TENM1: variants seen among roughly 807,000 people sequenced by gnomAD.
TENM1 encodes teneurin-1.
Under a neutral mutation model 174.8 loss-of-function variants are expected in TENM1, and 35 were observed. The ratio of observed to expected loss-of-function variants is 0.20; its 90% CI spans 0.15 to 0.27. The LOEUF (loss-of-function observed/expected upper bound fraction) is 0.27, where lower values mean the gene tolerates loss of function less well. Among genes scored for constraint, TENM1 ranks in the 10% least tolerant of loss-of-function variants. The probability of loss-of-function intolerance (pLI) is 1.00; values close to 1 mark genes in which losing one functional copy is unlikely to be tolerated. For missense variants in TENM1, 1,633 were observed against 2,130.1 expected (o/e 0.77, Z 4.59); for synonymous variants, 781 against 798.7 (o/e 0.98, Z 0.37).
intron 3 of TENM1, among the ~76,000 whole-genome samples, chrX:124,762,621 C>T (rs764552034): frequency 9.0e-6 from 1 of 111,458 alleles, no homozygotes; most frequent in African/African-American, 3.3e-5. Context: ...TCATTTTCAG[C>T]TCTCTTATAC....
chrX:124,469,328 A>G (rs941557650), intron 22 of TENM1, among the ~76,000 whole-genome samples: 1 of 112,259 alleles, frequency 8.9e-6, no homozygotes, highest in East Asian at 2.8e-4. Flanking sequence ...TTCAGTACTT[A>G]TTCTGTGCCA....
At chrX:124,878,605 G>A (rs1385647206) in intron 3 of TENM1, among the ~76,000 whole-genome samples, 1 of 110,409 alleles carries the variant, frequency 9.1e-6, no homozygotes, top group African/African-American at 3.3e-5. Flanking sequence ...ACTTTGCCAT[G>A]ACTAAAAGCT....
chrX:124,489,538 T>C lies in TENM1; in HGVS notation c.3696-2309A>G, dbSNP rs2047021146. Reference sequence around the variant, plus strand: ...TTGTGGTCACTTCCCATTTTTCCCCTCCCTCAGCTCCAGGCAACCACAAGA... The same window carrying C: ...TTGTGGTCACTTCCCATTTTTCCCCCCCCTCAGCTCCAGGCAACCACAAGA... On this transcript the variant is annotated intron_variant, in intron 20 of 31. Transcript: ENST00000422452. Among the ~76,000 whole-genome samples, 3 of 111,283 alleles carry C rather than the reference T, an allele frequency of 2.7e-5. No homozygotes were observed. In the Admixed American group the frequency reaches 2.9e-4, roughly 11 times the overall value.
In TENM1 at chrX:124,505,287, A is replaced by G. The variant is rs759970880; in HGVS notation, c.3302-1584T>C. On this transcript the variant is annotated intron_variant, in intron 18 of 31. Coordinates refer to ENST00000422452, the Ensembl canonical transcript of TENM1. ...TGAAATGCAGACTCATTTTAATATAATCCTCAACCAAGCGTTATTAGCAAC... is the reference window on the plus strand; with the variant it reads ...TGAAATGCAGACTCATTTTAATATAGTCCTCAACCAAGCGTTATTAGCAAC... Among the ~76,000 whole-genome samples, 4 of 112,265 alleles carry G rather than the reference A, an allele frequency of 3.6e-5. No individual in the cohort carries two copies. The South Asian group carries it at 1.5e-3, about 42-fold the overall frequency.
chrX:124,580,130 G>A (rs749879327), intron 11 of TENM1, among the ~76,000 whole-genome samples: 5 of 111,620 alleles, frequency 4.5e-5, no homozygotes, highest in South Asian at 3.7e-4. Flanking sequence ...CTAATTCATC[G>A]GCACTTGTCT....
the TENM1 span, among the ~76,000 whole-genome samples, chrX:125,131,674 A>C: frequency 9.0e-6 from 1 of 111,724 alleles, no homozygotes; most frequent in Non-Finnish European, 1.9e-5. Flanking sequence ...ATTTTCTGTC[A>C]TTTTTATATT....
chrX:124,810,296 C>G (rs180686089), intron 3 of TENM1, among the ~76,000 whole-genome samples: 77 of 111,211 alleles, frequency 6.9e-4, no homozygotes, highest in African/African-American at 2.2e-3. Context: ...TAGACATGAT[C>G]TTATATATAG....
At position 124,584,406 on chromosome X, in the gene TENM1, T is replaced by C. The variant is rs1264189484; in HGVS notation, c.2078-18846A>G. 2.0e-3 allele frequency among the ~76,000 whole-genome samples: 220 copies of C among 109,503 alleles called. 2 individuals carry two copies. Among genetic ancestry groups the C allele is most frequent in the African/African-American group, 7.0e-3 (203 of 29,058 alleles). ...CAACATTCTTAGAGAAAAGAATTTT[T>C]AACCCAGAATTTCATATCCAGCAAA... On this transcript the variant is annotated intron_variant, in intron 11 of 31. Coordinates refer to ENST00000422452, the Ensembl canonical transcript of TENM1.
chrX:125,194,900 T>G, the TENM1 span, among the ~76,000 whole-genome samples: 1 of 112,101 alleles, frequency 8.9e-6, no homozygotes, highest in Non-Finnish European at 1.9e-5. Context: ...AATAACTGAC[T>G]ATTTATAAAA....
At chrX:124,956,283 A>G (rs750319187) in intron 1 of TENM1, among the ~76,000 whole-genome samples, 1 of 112,235 alleles carries the variant, frequency 8.9e-6, no homozygotes, top group Non-Finnish European at 1.9e-5. Flanking sequence ...TTGAGGGCAA[A>G]GATTGCTTCT....
At chrX:124,454,008 TA>T (rs1410023153) in intron 22 of TENM1, among the ~76,000 whole-genome samples, 1 of 111,523 alleles carries the variant, frequency 9.0e-6, no homozygotes, top group Non-Finnish European at 1.9e-5. Flanking sequence ...TATTATCTAT[TA>T]AAAGGGGAGT....
At chrX:125,146,055 C>CT in the TENM1 span, among the ~76,000 whole-genome samples, 1 of 111,947 alleles carries the variant, frequency 8.9e-6, no homozygotes, top group Admixed American at 9.5e-5. Flanking sequence ...ACTTTAGAGT[C>CT]ATTAGACAAC....
intron 31 of TENM1, among the ~76,000 whole-genome samples, chrX:124,382,466 A>T (rs2060168862): frequency 9.0e-6 from 1 of 111,123 alleles, no homozygotes; most frequent in African/African-American, 3.3e-5. Context: ...TAACCTGTTA[A>T]TCTTTTTTTT....
At chrX:124,540,302 G>A (rs1197241934) in intron 15 of TENM1, among the ~76,000 whole-genome samples, 1 of 111,666 alleles carries the variant, frequency 9.0e-6, no homozygotes, top group Admixed American at 9.5e-5. Flanking sequence ...ATTGATATTA[G>A]GGTATTATAT....
chrX:124,689,082 G>A, intron 5 of TENM1, among the ~76,000 whole-genome samples: 1 of 111,555 alleles, frequency 9.0e-6, no homozygotes, highest in Non-Finnish European at 1.9e-5. Flanking sequence ...CTAAGACACT[G>A]AAATACCCTT....
At chrX:124,518,386 C>CGT (rs909935569) in intron 18 of TENM1, among the ~76,000 whole-genome samples, 2 of 81,291 alleles carry the variant, frequency 2.5e-5, no homozygotes, top group South Asian at 8.9e-4. Flanking sequence ...AGAGATTATG[C>CGT]GTGTGTGTGT....
At chrX:124,389,305 G>A (rs937454871) in intron 28 of TENM1, among the ~76,000 whole-genome samples, 3 of 112,264 alleles carry the variant, frequency 2.7e-5, no homozygotes, top group Non-Finnish European at 3.8e-5. Flanking sequence ...TATGGCAAGC[G>A]AATTCACAAG....
chrX:124,780,011 G>C (rs1253570470), intron 3 of TENM1, among the ~76,000 whole-genome samples: 1 of 110,689 alleles, frequency 9.0e-6, no homozygotes, highest in Non-Finnish European at 1.9e-5. Context: ...ACACAAAAGA[G>C]GTTTTAGATA....
At chrX:124,521,418 T>G (rs2047847185) in intron 17 of TENM1, among the ~76,000 whole-genome samples, 3 of 112,382 alleles carry the variant, frequency 2.7e-5, no homozygotes, top group African/African-American at 9.7e-5. Flanking sequence ...TATTTCTCTG[T>G]GCCTGGATGT....
Sources: gnomAD v4.1 joint callset for allele counts (sites outside exome capture counted in the v4.1 genomes callset) on GRCh38, gnomAD v4.1.1 for gene constraint, MANE v1.5 for transcripts, NCBI Gene and HGNC (gene_info 2026-07-23, HGNC 2026-07-21) for gene names.